The following RPH3AL variants were observed in gnomAD, a reference collection of about 807,000 sequenced individuals.
RPH3AL encodes the protein rab effector Noc2.
A neutral mutation model predicts 43.1 loss-of-function variants in RPH3AL; 38 were observed. The observed-to-expected ratio is 0.88, with a 90% CI of 0.68 to 1.15. The LOEUF (loss-of-function observed/expected upper bound fraction) is 1.15. RPH3AL is among the 50% of genes most tolerant of loss of function. The probability of loss-of-function intolerance (pLI) is 0.00; values close to 1 mark genes in which losing one functional copy is unlikely to be tolerated. For missense variants in RPH3AL, 462 were observed against 423.2 expected, an observed-to-expected ratio of 1.09 and a Z score of -0.81; for synonymous variants, 189 against 176.3, an observed-to-expected ratio of 1.07 and a Z score of -0.57.
At chr17:314,862 GCCCC>G (rs2043865452) in intron 5 of RPH3AL, among the ~76,000 whole-genome samples, 3 of 26,128 alleles carry the variant, frequency 1.1e-4, no homozygotes, top group African/African-American at 2.5e-4. Flanking sequence ...TAGTCCCTGT[GCCCC>G]ACCTCCATTG....
In RPH3AL at chr17:260,826, C is replaced by T. The variant is rs546694530; in HGVS notation, c.439-13541G>A. Among the ~76,000 whole-genome samples, 3 of 152,252 alleles carry T rather than the reference C, an allele frequency of 2.0e-5. No individual in the cohort carries two copies. In the East Asian group the frequency reaches 5.8e-4, roughly 29 times the overall value. On this transcript the variant is annotated intron_variant, in intron 6 of 9. Transcript: ENST00000331302. ...GCCTCACCTCTCACCTCCCCCACCC[C>T]CATCACCAGGCACAGCTGCTCTCAC... is the stretch of plus-strand genomic sequence containing the variant.
chr17:294,869 G>GA (rs2043134927), intron 5 of RPH3AL, among the ~76,000 whole-genome samples: 1 of 22,154 alleles, frequency 4.5e-5, no homozygotes, highest in African/African-American at 1.8e-4. Context: ...GGGAGGGACA[G>GA]AGATGCTGCA....
Position 333,351 on chromosome 17 carries a change from C to A in RPH3AL, c.-37+408G>T, listed in dbSNP as rs925045436. On this transcript the variant is annotated intron_variant, in intron 2 of 9. Transcript: ENST00000331302. This position sits in a 1 kb window ranked among gnomAD's most constrained non-coding sequence, Gnocchi z 4.5. ...ACACCTTAAATTCTCACATCAGCCACCCCCATGGCGACTCTTAACACCTTA... is the reference window on the plus strand; with the variant it reads ...ACACCTTAAATTCTCACATCAGCCAACCCCATGGCGACTCTTAACACCTTA... 2 of 1,224,700 alleles carry A rather than the reference C, an allele frequency of 1.6e-6. No homozygotes were observed. The highest frequency in any genetic ancestry group is 3.1e-5 in the African/African-American group (2 of 64,410). The allele number at this position is 1,224,700 out of a possible 1,614,324, so 75.9% of individuals were successfully genotyped here.
At chr17:316,963 A>AGT in intron 5 of RPH3AL, among the ~76,000 whole-genome samples, 1 of 12,028 alleles carries the variant, frequency 8.3e-5, no homozygotes, top group Non-Finnish European at 1.7e-4. Context: ...GTCTCTCTAC[A>AGT]CCCACCTCCA....
At chr17:330,513 A>G (rs1161373410) in intron 2 of RPH3AL, among the ~76,000 whole-genome samples, 3 of 152,242 alleles carry the variant, frequency 2.0e-5, no homozygotes, top group African/African-American at 7.2e-5. Flanking sequence ...TAAAAACTTC[A>G]GTTATCTTGT....
chr17:224,084 C>T (rs1451350690), intron 7 of RPH3AL, among the ~76,000 whole-genome samples: 1 of 152,246 alleles, frequency 6.6e-6, no homozygotes, highest in Non-Finnish European at 1.5e-5. Context: ...AAATCAGTCA[C>T]TTCCTCACCA....
At chr17:223,639 G>A (rs769354188) in intron 7 of RPH3AL, among the ~76,000 whole-genome samples, 16 of 152,054 alleles carry the variant, frequency 1.1e-4, no homozygotes, top group Non-Finnish European at 2.2e-4. Context: ...TTCAGAGACC[G>A]CACTGAAGCT....
chr17:235,115 G>A (rs1025562441), intron 7 of RPH3AL, among the ~76,000 whole-genome samples: 8 of 152,170 alleles, frequency 5.3e-5, no homozygotes, highest in South Asian at 2.1e-4. Context: ...TTCAAAGCTG[G>A]GGTCGGCCGA....
chr17:338,830 A>C (rs1382438367), intron 1 of RPH3AL: 2 of 152,238 alleles, frequency 1.3e-5, no homozygotes. Flanking sequence ...GAAGCAGAGA[A>C]GCTTCTAGGG....
At chr17:315,710 T>TGTGCTCCACCTCCATTGACCTGTAGTCCC (rs2044053711) in intron 5 of RPH3AL, among the ~76,000 whole-genome samples, 27 of 85,428 alleles carry the variant, frequency 3.2e-4, no homozygotes, top group East Asian at 4.3e-4. Context: ...CCTGTAGTCC[T>TGTGCTCCACCTCCATTGACCTGTAGTCCC]TGTGCCCCAC....
chr17:317,593 G>C (rs1381576404), intron 5 of RPH3AL, among the ~76,000 whole-genome samples: 1 of 152,162 alleles, frequency 6.6e-6, no homozygotes, highest in Non-Finnish European at 1.5e-5. Flanking sequence ...GCTGAAGGAG[G>C]AGCCCGCACA....
At chr17:241,444 G>A (rs1209775518) in intron 7 of RPH3AL, among the ~76,000 whole-genome samples, 2 of 152,088 alleles carry the variant, frequency 1.3e-5, no homozygotes, top group African/African-American at 2.4e-5. Context: ...AATGTCCATC[G>A]ATAGGTGATT....
chr17:301,729 G>A lies in RPH3AL; in HGVS notation c.351+17691C>T, dbSNP rs1004059209. The stretch of plus-strand genomic sequence containing the variant: ...CCTGGAATTACAGGTGTGACCCACC[G>A]CGCCCGGCCTGTAGGCAAAGTCCTG... On this transcript the variant is annotated intron_variant, in intron 5 of 9. Coordinates refer to ENST00000331302, the MANE Select transcript of RPH3AL (RefSeq NM_006987.4). 1.1e-4 allele frequency among the ~76,000 whole-genome samples: 17 copies of A among 151,990 alleles called. No individual in the cohort carries two copies. The East Asian group carries it at 1.7e-3, about 16-fold the overall frequency.
At chr17:273,275 A>T (rs796706483) in intron 6 of RPH3AL, among the ~76,000 whole-genome samples, 13 of 65,294 alleles carry the variant, frequency 2.0e-4, no homozygotes, top group African/African-American at 4.8e-4. Flanking sequence ...GACGTCAGGG[A>T]GAGACCCCAG....
chr17:342,955 A>C (rs2045155348), intron 1 of RPH3AL, among the ~76,000 whole-genome samples: 1 of 152,238 alleles, frequency 6.6e-6, no homozygotes, highest in South Asian at 2.1e-4. Flanking sequence ...TTAGTGATGG[A>C]ATCCAAATGT....
chr17:335,160 C>A (rs867556503), intron 1 of RPH3AL, among the ~76,000 whole-genome samples: 28 of 152,276 alleles, frequency 1.8e-4, no homozygotes, highest in Middle Eastern at 6.8e-3. Flanking sequence ...AAGAGCACAG[C>A]CACACTGTGA....
chr17:331,327 G>A, intron 2 of RPH3AL: 3 of 314,604 alleles, frequency 9.5e-6, no homozygotes, highest in South Asian at 2.6e-5. Context: ...GAGACGGAAG[G>A]ATGTCGCCTC....
At chr17:309,457 T>C (rs78520160) in intron 5 of RPH3AL, among the ~76,000 whole-genome samples, 549 of 26,552 alleles carry the variant, frequency 0.021, no homozygotes, top group East Asian at 0.1. Flanking sequence ...GCACATCCCT[T>C]GTCCAGGGCT....
intron 6 of RPH3AL, among the ~76,000 whole-genome samples, chr17:253,499 T>A (rs2041968158): frequency 6.6e-6 from 1 of 152,156 alleles, no homozygotes; most frequent in South Asian, 2.1e-4. Flanking sequence ...GCGCAATCCT[T>A]TTTTAAAAAA....
Sources: allele counts gnomAD v4.1 joint callset (sites outside exome capture counted in the v4.1 genomes callset), GRCh38; gene constraint gnomAD v4.1.1; non-coding constraint Gnocchi (gnomAD v3.1); transcripts MANE v1.5; gene names NCBI Gene and HGNC (gene_info 2026-07-23, HGNC 2026-07-21).